GAPVD1: variants seen among roughly 807,000 people sequenced by gnomAD.
GAPVD1 encodes GTPase-activating protein and VPS9 domain-containing protein 1.
Under a neutral mutation model 155.5 loss-of-function variants are expected in GAPVD1, and 35 were observed. The observed-to-expected ratio is 0.23, with a 90% CI of 0.17 to 0.30. GAPVD1 has a LOEUF of 0.30. Ranked by LOEUF, GAPVD1 falls within the 10% of genes least tolerant of loss-of-function variation. GAPVD1 has a pLI of 1.00. For missense variants in GAPVD1, 1,429 were observed against 1,775.7 expected, an observed-to-expected ratio of 0.80 and a Z score of 3.51; for synonymous variants, 636 against 619.7, an observed-to-expected ratio of 1.03 and a Z score of -0.39.
chr9:125,363,890 CTG>C lies in GAPVD1; in HGVS notation c.*1148_*1149del, dbSNP rs372482796. The C allele has an allele frequency of 7.5e-4, 114 of 152,654 alleles. No individual in the cohort carries two copies. The highest frequency in any genetic ancestry group is 2.7e-3 in the African/African-American group (113 of 41,524). 9.5% of individuals were successfully genotyped at this position (152,654 alleles called of 1,614,324 possible). ...TTATTTCCCTCTTCTGAAAAAAAGT[CTG>C]TGTTTTCATAGTTTGGTTTGCATTG... On this transcript the variant is annotated 3_prime_UTR_variant, in exon 28 of 28. Coordinates refer to ENST00000297933, the MANE Select transcript of GAPVD1 (RefSeq NM_001282680.3).
At chr9:125,303,747 G>C (rs889989014) in intron 5 of GAPVD1, among the ~76,000 whole-genome samples, 1 of 144,470 alleles carries the variant, frequency 6.9e-6, no homozygotes, top group Non-Finnish European at 1.5e-5. Context: ...TTGCACTCCA[G>C]CCTGGGCAAC....
intron 1 of GAPVD1, among the ~76,000 whole-genome samples, chr9:125,263,138 G>A (rs1163618873): frequency 6.6e-6 from 1 of 152,118 alleles, no homozygotes; most frequent in African/African-American, 2.4e-5. Context: ...TCTGAGAAAG[G>A]GACCATAGGC....
At chr9:125,325,926 A>T (rs962563931) in intron 11 of GAPVD1, among the ~76,000 whole-genome samples, 1 of 152,214 alleles carries the variant, frequency 6.6e-6, no homozygotes, top group Non-Finnish European at 1.5e-5. Context: ...GAATAATGTG[A>T]TGAAATCTCA....
Position 125,274,762 on chromosome 9 carries a change from G to A in GAPVD1, c.-150+5778G>A, listed in dbSNP as rs980447175. 4.0e-5 allele frequency among the ~76,000 whole-genome samples: 6 copies of A among 151,878 alleles called. No individual in the cohort carries two copies. The South Asian group carries it at 6.2e-4, about 16-fold the overall frequency. On this transcript the variant is annotated intron_variant, in intron 2 of 27. Transcript: ENST00000297933. ...TAGGCGTGAGCCACTGTGCCTGGCC[G>A]CTTTATTCATTTTAATTCATTTAAC...
chr9:125,323,055 A>G (rs76026521), intron 10 of GAPVD1, among the ~76,000 whole-genome samples: 1 of 150,816 alleles, frequency 6.6e-6, no homozygotes, highest in Admixed American at 6.6e-5. Flanking sequence ...TCTCTCTAAA[A>G]AAAAAAAAAA....
At chr9:125,352,669 G>T (rs1849473389) in intron 23 of GAPVD1, among the ~76,000 whole-genome samples, 1 of 152,208 alleles carries the variant, frequency 6.6e-6, no homozygotes, top group Admixed American at 6.5e-5. Context: ...TTTCCCCATT[G>T]TCTTGGGAAT....
chr9:125,263,608 G>C, intron 1 of GAPVD1: 1 of 1,404,646 alleles, frequency 7.1e-7, no homozygotes, highest in Non-Finnish European at 9.9e-7. Flanking sequence ...CCACGTCCAC[G>C]ACCAAATCCG....
At chr9:125,308,397 A>G (rs1244627173) in intron 8 of GAPVD1, 1 of 152,484 alleles carries the variant, frequency 6.6e-6, no homozygotes, top group South Asian at 2.1e-4. Flanking sequence ...AGTTCTAAAT[A>G]ATATAATAAA....
chr9:125,298,557 C>G (rs928119750), intron 3 of GAPVD1, among the ~76,000 whole-genome samples: 3 of 128,846 alleles, frequency 2.3e-5, no homozygotes, highest in Non-Finnish European at 4.6e-5. Flanking sequence ...GATGCAATCT[C>G]AGCTCACTGC....
intron 19 of GAPVD1, 38 bp from the exon 20 acceptor site, chr9:125,346,781 C>T (rs1449703458): frequency 6.4e-7 from 1 of 1,568,942 alleles, no homozygotes; most frequent in South Asian, 1.1e-5. Flanking sequence ...TGGTACAAAC[C>T]CAAGGGGCTA....
intron 15 of GAPVD1, among the ~76,000 whole-genome samples, chr9:125,335,825 CA>C (rs1483213727): frequency 1.3e-5 from 2 of 151,912 alleles, no homozygotes; most frequent in African/African-American, 4.8e-5. Context: ...CCACCATAAA[CA>C]AAAGCTATTA....
At chr9:125,334,329 A>T (rs1435491849) in intron 15 of GAPVD1, among the ~76,000 whole-genome samples, 2 of 152,058 alleles carry the variant, frequency 1.3e-5, no homozygotes, top group Non-Finnish European at 2.9e-5. Context: ...AGGAATAAAA[A>T]TTACTTAATC....
chr9:125,360,513 T>G lies in GAPVD1; in HGVS notation c.4045-15T>G. 1 of 1,608,244 alleles carries G rather than the reference T, an allele frequency of 6.2e-7. No homozygotes were observed. The highest frequency in any genetic ancestry group is 8.5e-7 in the Non-Finnish European group (1 of 1,174,772). ...CTGGATTCAGAATCTGTATATTGTC[T>G]ATGGTCTCACTTAGGTTTATCTTCG... On this transcript the variant is annotated splice_polypyrimidine_tract_variant and intron_variant, in intron 26 of 27. Coordinates refer to ENST00000297933, the MANE Select transcript of GAPVD1 (RefSeq NM_001282680.3).
At chr9:125,337,734 A>G (rs1847245229) in intron 17 of GAPVD1, 143 bp downstream of exon 17, 2 of 858,990 alleles carry the variant, frequency 2.3e-6, no homozygotes, top group East Asian at 5.2e-5. Flanking sequence ...CTATGGGCCC[A>G]CAACCATAAC....
In GAPVD1 at chr9:125,362,935, T is replaced by C. The variant is rs1430940389; in HGVS notation, c.*189T>C. ...CAGGTTCTCTCGTCTTTGGGCTCTT[T>C]CCTTTCTGAGTTGCATATTCTATTT... On this transcript the variant is annotated 3_prime_UTR_variant, in exon 28 of 28. Coordinates refer to ENST00000297933, the MANE Select transcript of GAPVD1 (RefSeq NM_001282680.3). 3 of 390,676 alleles carry C rather than the reference T, an allele frequency of 7.7e-6. No homozygotes were observed. Among genetic ancestry groups the C allele is most frequent in the Non-Finnish European group, 9.1e-6 (2 of 219,676 alleles). 24.2% of individuals were successfully genotyped at this position (390,676 alleles called of 1,614,324 possible). A position where few individuals can be genotyped will look rare whatever the true frequency, so the allele number is the denominator to read the frequency against.
At chr9:125,288,657 G>A (rs760617175) in intron 2 of GAPVD1, among the ~76,000 whole-genome samples, 28 of 152,100 alleles carry the variant, frequency 1.8e-4, no homozygotes, top group Admixed American at 1.2e-3. Flanking sequence ...GATTACAAGC[G>A]TGAGCCACCA....
chr9:125,361,790 T>C (rs1042393871), intron 27 of GAPVD1, among the ~76,000 whole-genome samples: 1 of 152,204 alleles, frequency 6.6e-6, no homozygotes, highest in African/African-American at 2.4e-5. Context: ...ATGGTTTATT[T>C]TGAACATTTT....
At chr9:125,307,988 T>C in intron 8 of GAPVD1, 108 bp downstream of exon 8, 1 of 774,254 alleles carries the variant, frequency 1.3e-6, no homozygotes, top group Non-Finnish European at 2.2e-6. Flanking sequence ...GGGAAAGTCT[T>C]TCTCTTCATG....
intron 15 of GAPVD1, among the ~76,000 whole-genome samples, chr9:125,334,846 A>G (rs1014529660): frequency 2.6e-5 from 4 of 152,204 alleles, no homozygotes; most frequent in Admixed American, 6.5e-5. Context: ...AGAAGCAACT[A>G]ATAGAGTGGA....
Sources: allele counts gnomAD v4.1 joint callset (sites outside exome capture counted in the v4.1 genomes callset), GRCh38; gene constraint gnomAD v4.1.1; transcripts MANE v1.5; gene names NCBI Gene and HGNC (gene_info 2026-07-23, HGNC 2026-07-21).